Variants in PCDH15 observed in about 807,000 individuals in gnomAD.
PCDH15 encodes the protein protocadherin-15.
Under a neutral mutation model 178.5 loss-of-function variants are expected in PCDH15, and 129 were observed. The observed-to-expected ratio is 0.72, with a 90% CI of 0.63 to 0.84. PCDH15 has a LOEUF of 0.84. Among genes scored for constraint, PCDH15 ranks in the 40% least tolerant of loss-of-function variants. PCDH15 has a pLI of 0.00. For missense variants in PCDH15, 2,230 were observed against 2,099.9 expected (o/e 1.06, Z -1.21); for synonymous variants, 800 against 732.0 (o/e 1.09, Z -1.50).
intron 18 of PCDH15, among the ~76,000 whole-genome samples, chr10:54,023,819 G>A (rs753567921): frequency 1.6e-4 from 25 of 151,684 alleles, no homozygotes; most frequent in Non-Finnish European, 3.1e-4. Context: ...TGAGAACACT[G>A]TGGCTTATGG....
intron 2 of PCDH15, among the ~76,000 whole-genome samples, chr10:54,999,044 T>C (rs1329025826): frequency 1.3e-5 from 2 of 151,112 alleles, no homozygotes; most frequent in Non-Finnish European, 3.0e-5. Flanking sequence ...TATGTATATA[T>C]AAAGCACTTT....
intron 10 of PCDH15, among the ~76,000 whole-genome samples, chr10:54,207,636 G>A (rs1298439067): frequency 1.3e-5 from 2 of 151,966 alleles, no homozygotes; most frequent in African/African-American, 4.8e-5. Flanking sequence ...GCACCCTGTG[G>A]AGGAACTCTC....
intron 2 of PCDH15, among the ~76,000 whole-genome samples, chr10:54,627,534 C>T (rs2093589701): frequency 6.6e-6 from 1 of 152,162 alleles, no homozygotes; most frequent in African/African-American, 2.4e-5. Context: ...TTGCCTTCCA[C>T]CACAATTATG....
intron 1 of PCDH15, among the ~76,000 whole-genome samples, chr10:55,272,602 T>C (rs1263110435): frequency 1.3e-5 from 2 of 151,792 alleles, no homozygotes; most frequent in Non-Finnish European, 1.5e-5. Flanking sequence ...AGGCTGGTCT[T>C]GAACTCCTGA....
chr10:55,203,580 T>C (rs1811392051), intron 1 of PCDH15, among the ~76,000 whole-genome samples: 1 of 152,084 alleles, frequency 6.6e-6, no homozygotes, highest in South Asian at 2.1e-4. Flanking sequence ...ACTAGACTTT[T>C]CTGTCATCTC....
chr10:54,244,838 G>A (rs1193516693), intron 8 of PCDH15, among the ~76,000 whole-genome samples: 1 of 152,170 alleles, frequency 6.6e-6, no homozygotes, highest in East Asian at 1.9e-4. Flanking sequence ...AGGAAAGGAA[G>A]AAATTGAGCA....
Position 53,814,837 on chromosome 10 carries a change from G to A in PCDH15, c.4491+1402C>T, listed in dbSNP as rs563923295. Among the ~76,000 whole-genome samples the A allele has an allele frequency of 7.2e-5, 11 of 152,060 alleles. No homozygotes were observed. The South Asian group carries it at 2.1e-3, about 29-fold the overall frequency. ...AAATTAGCTGGGCATGGTGGCACAC[G>A]CCTGTAATCCCAGCTACTCGGGAGG... On this transcript the variant is annotated intron_variant, in intron 35 of 37. Transcript: ENST00000644397.
chr10:55,511,027 T>C (rs961292466), intron 2 of PCDH15, among the ~76,000 whole-genome samples: 41 of 150,068 alleles, frequency 2.7e-4, no homozygotes, highest in Non-Finnish European at 8.9e-5. Flanking sequence ...GAGTGGCTAA[T>C]TTGTTTTTTT....
At chr10:55,389,287 T>C (rs745977981) in intron 2 of PCDH15, among the ~76,000 whole-genome samples, 2 of 151,902 alleles carry the variant, frequency 1.3e-5, no homozygotes, top group Non-Finnish European at 2.9e-5. Flanking sequence ...ACATGGAATA[T>C]ATTCAGCAAA....
At chr10:54,135,262 C>T (rs1315728518) in intron 14 of PCDH15, among the ~76,000 whole-genome samples, 1 of 151,818 alleles carries the variant, frequency 6.6e-6, no homozygotes, top group South Asian at 2.1e-4. Context: ...AGTAATCTCA[C>T]TTTAAATTAA....
chr10:53,925,700 T>C (rs1474488300), intron 25 of PCDH15, among the ~76,000 whole-genome samples: 2 of 152,216 alleles, frequency 1.3e-5, no homozygotes, highest in Non-Finnish European at 2.9e-5. Flanking sequence ...TTCCTTTATA[T>C]TTGTAGAGTA....
intron 3 of PCDH15, among the ~76,000 whole-genome samples, chr10:54,891,141 A>G (rs1044831149): frequency 5.3e-5 from 8 of 152,156 alleles, no homozygotes. Context: ...AAAATTCAAA[A>G]GGCAACTGAA....
intron 2 of PCDH15, among the ~76,000 whole-genome samples, chr10:55,073,866 C>A (rs892149844): frequency 6.6e-6 from 1 of 151,996 alleles, no homozygotes; most frequent in Non-Finnish European, 1.5e-5. Context: ...TGCTCCCCCC[C>A]ATCTCCCCCG....
At position 55,315,820 on chromosome 10, in the gene PCDH15, A is replaced by G. The variant is rs887325110; in HGVS notation, c.-156+3779T>C. ...ATCACGAGGTCAGAAGTTCAAGACC[A>G]TACTGACCAACATGGTGAAACTCCG... On this transcript the variant is annotated intron_variant, in intron 1 of 5. Coordinates refer to the PCDH15 transcript ENST00000458638. Among the ~76,000 whole-genome samples, 3 of 152,096 alleles carry G rather than the reference A, an allele frequency of 2.0e-5. No homozygotes were observed. In the South Asian group the frequency reaches 6.2e-4, roughly 32 times the overall value.
intron 1 of PCDH15, among the ~76,000 whole-genome samples, chr10:54,765,216 G>A (rs1325263772): frequency 1.3e-5 from 2 of 152,022 alleles, no homozygotes; most frequent in East Asian, 3.9e-4. Flanking sequence ...TACCTTATAT[G>A]GCAAGTAATT....
intron 17 of PCDH15, among the ~76,000 whole-genome samples, chr10:54,078,488 A>T (rs1215916543): frequency 6.6e-6 from 1 of 152,028 alleles, no homozygotes; most frequent in Non-Finnish European, 1.5e-5. Flanking sequence ...GAGCCAGGAG[A>T]TATGTTGATA....
At position 54,947,241 on chromosome 10, in the gene PCDH15, C is replaced by T. The variant is rs112536652; in HGVS notation, c.-79-49741G>A. 3.9e-3 allele frequency among the ~76,000 whole-genome samples: 589 copies of T among 152,010 alleles called. 7 individuals carry two copies. The highest frequency in any genetic ancestry group is 0.014 in the African/African-American group (576 of 41,518). On this transcript the variant is annotated intron_variant, in intron 2 of 5. Transcript: ENST00000458638. ...CTATTAAGGTTTTTGCGTGACTTAG[C>T]TCATTTAGTCCCTTTAGAAGCCTAG...
At chr10:54,509,306 A>G (rs1292196695) in intron 3 of PCDH15, among the ~76,000 whole-genome samples, 1 of 152,008 alleles carries the variant, frequency 6.6e-6, no homozygotes, top group Non-Finnish European at 1.5e-5. Context: ...GTGGTAGTGA[A>G]TAAGTCTCTT....
intron 13 of PCDH15, among the ~76,000 whole-genome samples, chr10:54,177,688 G>A (rs1322394307): frequency 2.6e-5 from 4 of 152,126 alleles, no homozygotes; most frequent in Non-Finnish European, 4.4e-5. Context: ...TGCAGGTAAA[G>A]CAGAGGGAAA....
Sources: gnomAD v4.1 joint callset for allele counts (sites outside exome capture counted in the v4.1 genomes callset) on GRCh38, gnomAD v4.1.1 for gene constraint, MANE v1.5 for transcripts, NCBI Gene and HGNC (gene_info 2026-07-23, HGNC 2026-07-21) for gene names.